Variants in ATL1 observed in about 807,000 individuals in gnomAD.
ATL1 encodes atlastin-1.
In ATL1, 31 loss-of-function variants were observed where a neutral mutation model predicts 75.5. The ratio of observed to expected loss-of-function variants is 0.41; its 90% CI spans 0.31 to 0.55. ATL1 has a LOEUF of 0.55. Ranked by LOEUF, ATL1 falls within the 20% of genes least tolerant of loss-of-function variation. The pLI is 0.27. For missense variants in ATL1, 405 were observed against 662.6 expected, an observed-to-expected ratio of 0.61 and a Z score of 4.27; for synonymous variants, 226 against 233.3, an observed-to-expected ratio of 0.97 and a Z score of 0.28.
chr14:50,582,050 G>T (rs988253631), intron 1 of ATL1, among the ~76,000 whole-genome samples: 4 of 152,146 alleles, frequency 2.6e-5, no homozygotes, highest in Non-Finnish European at 4.4e-5. Flanking sequence ...GGAGGCCGAG[G>T]CGGGCGGATC....
At chr14:50,582,410 CTT>C (rs758570255) in intron 1 of ATL1, among the ~76,000 whole-genome samples, 3 of 143,608 alleles carry the variant, frequency 2.1e-5, no homozygotes, top group Non-Finnish European at 3.1e-5. Flanking sequence ...AAACTTTTCT[CTT>C]TTTTTTTTTT....
At chr14:50,618,823 A>G (rs546171178) in intron 8 of ATL1, among the ~76,000 whole-genome samples, 1 of 152,006 alleles carries the variant, frequency 6.6e-6, no homozygotes, top group African/African-American at 2.4e-5. Flanking sequence ...TTGCTTTTTT[A>G]CATAGTATGT....
At chr14:50,624,735 G>C (rs1000853379) in intron 11 of ATL1, among the ~76,000 whole-genome samples, 4 of 152,034 alleles carry the variant, frequency 2.6e-5, no homozygotes, top group African/African-American at 9.7e-5. Context: ...TAGTTAGCCA[G>C]GCTGTTGGAT....
At chr14:50,603,797 G>C (rs2140217822) in intron 6 of ATL1, among the ~76,000 whole-genome samples, 1 of 152,240 alleles carries the variant, frequency 6.6e-6, no homozygotes, top group East Asian at 1.9e-4. Context: ...TGCTTGGGCT[G>C]AAAATTAAAG....
intron 2 of ATL1, among the ~76,000 whole-genome samples, chr14:50,589,325 A>AT: frequency 6.6e-6 from 1 of 151,556 alleles, no homozygotes; most frequent in East Asian, 1.9e-4. Context: ...CATCTGGATA[A>AT]TTTTTTGTAT....
chr14:50,566,668 C>A (rs2038906654), intron 1 of ATL1, among the ~76,000 whole-genome samples: 1 of 152,068 alleles, frequency 6.6e-6, no homozygotes, highest in East Asian at 1.9e-4. Context: ...ATTAGGTTAT[C>A]TTTTTCTTCT....
At chr14:50,544,714 G>T (rs890396231) in intron 1 of ATL1, among the ~76,000 whole-genome samples, 16 of 152,000 alleles carry the variant, frequency 1.1e-4, no homozygotes, top group African/African-American at 3.9e-4. Flanking sequence ...TGGGAGGATT[G>T]CTTGAGCTCG....
At chr14:50,560,444 T>C (rs2038823720) in intron 1 of ATL1, 145 bp downstream of exon 1, 3 of 1,133,196 alleles carry the variant, frequency 2.6e-6, no homozygotes, top group Non-Finnish European at 3.9e-6. Flanking sequence ...CCGCTCCCTG[T>C]TTGGGCGGAG....
intron 7 of ATL1, 64 bp from the exon 8 acceptor site, chr14:50,614,309 C>A: frequency 6.4e-7 from 1 of 1,555,574 alleles, no homozygotes; most frequent in South Asian, 1.1e-5. Flanking sequence ...ATATAAGATG[C>A]CACAGAATTC....
intron 1 of ATL1, among the ~76,000 whole-genome samples, chr14:50,570,300 A>AT (rs995610773): frequency 7.8e-4 from 119 of 151,806 alleles, no homozygotes; most frequent in Admixed American, 4.7e-3. Flanking sequence ...AAGTTTGCTG[A>AT]TTTTTTTTGT....
At position 50,569,836 on chromosome 14, in the gene ATL1, G is replaced by GT. The variant is rs553076074; in HGVS notation, c.34+9545dup. 2.3e-3 allele frequency among the ~76,000 whole-genome samples: 348 copies of GT among 151,988 alleles called. 1 individual carries two copies. Among genetic ancestry groups the GT allele is most frequent in the Non-Finnish European group, 3.8e-3 (257 of 67,940 alleles). On this transcript the variant is annotated intron_variant, in intron 1 of 13. Transcript: ENST00000358385. ...TGGATATAGGATTTTTAGTTGACAG[G>GT]TTTTTTTTCTTTCAGCACTTAGACT...
intron 1 of ATL1, among the ~76,000 whole-genome samples, chr14:50,565,141 T>A (rs2038890879): frequency 6.6e-6 from 1 of 151,698 alleles, no homozygotes; most frequent in East Asian, 1.9e-4. Context: ...GTAAAAAAAA[T>A]TAGCCGGGTG....
upstream of ATL1, chr14:50,559,923 G>A (rs1471804231): frequency 2.6e-6 from 1 of 380,472 alleles, no homozygotes; most frequent in Non-Finnish European, 4.9e-6. Context: ...TTCTTTGAGA[G>A]TGTGTTCGAG....
intron 1 of ATL1, among the ~76,000 whole-genome samples, chr14:50,564,300 T>A (rs2038879781): frequency 6.6e-6 from 1 of 152,116 alleles, no homozygotes. Context: ...ACCTGGGAAT[T>A]TGAGTTTTCT....
In ATL1 at chr14:50,587,919, A is replaced by G. The variant is rs2039117928; in HGVS notation, c.123A>G (p.Lys41=). 1 of 1,614,076 alleles carries G rather than the reference A, an allele frequency of 6.2e-7. No homozygotes were observed. The highest frequency in any genetic ancestry group is 8.5e-7 in the Non-Finnish European group (1 of 1,180,040). ...GACCAGTCCAAGTCCTCATTGTCAA[A>G]GATGACCATTCCTTTGAGTTAGATG... The part of the protein sequence containing the change: ...KAGPVQVLIV[K]DDHSFELDET... The change falls in exon 2 of 14, where the codon AAA becomes AAG. Residue 41 remains lysine, a synonymous_variant. Transcript: ENST00000358385.
At chr14:50,573,208 AT>A (rs934009947) in intron 1 of ATL1, among the ~76,000 whole-genome samples, 1 of 151,906 alleles carries the variant, frequency 6.6e-6, no homozygotes, top group Non-Finnish European at 1.5e-5. Context: ...TGTCCATAAT[AT>A]TTTTTTTACC....
intron 1 of ATL1, among the ~76,000 whole-genome samples, chr14:50,562,202 GC>G (rs2038855028): frequency 6.6e-6 from 1 of 152,032 alleles, no homozygotes; most frequent in Non-Finnish European, 1.5e-5. Flanking sequence ...CTGCCACCGT[GC>G]CCGGCTAATT....
Position 50,628,467 on chromosome 14 carries a change from G to T in ATL1, c.1551+5G>T. 1 of 1,613,660 alleles carries T rather than the reference G, an allele frequency of 6.2e-7. No individual in the cohort carries two copies. Among genetic ancestry groups the T allele is most frequent in the Non-Finnish European group, 8.5e-7 (1 of 1,179,804 alleles). On this transcript the variant is annotated splice_donor_5th_base_variant and intron_variant, in intron 12 of 13. Coordinates refer to ENST00000358385, the MANE Select transcript of ATL1 (RefSeq NM_015915.5). ...GCTGCAGCTCTGTGGGACCAGGTAA[G>T]AACACCTTTAATTCACAACTAAATT...
At position 50,614,356 on chromosome 14, in the gene ATL1, A is replaced by G; in HGVS notation, c.724-17A>G. On this transcript the variant is annotated splice_polypyrimidine_tract_variant and intron_variant, in intron 7 of 13. Transcript: ENST00000358385. ...TTGTGATGAAAGTAGTTTAAACTTC[A>G]GAATGATTTACTGCAGGTCTCAGGG... 6.2e-7 allele frequency: 1 copy of G among 1,613,818 alleles called. No homozygotes were observed. Among genetic ancestry groups the G allele is most frequent in the East Asian group, 2.2e-5 (1 of 44,850 alleles).
Sources: gnomAD v4.1 joint callset for allele counts (sites outside exome capture counted in the v4.1 genomes callset) on GRCh38, gnomAD v4.1.1 for gene constraint, MANE v1.5 for transcripts, NCBI Gene and HGNC (gene_info 2026-07-23, HGNC 2026-07-21) for gene names.